The following CDH18 variants were observed in gnomAD, a reference collection of about 807,000 sequenced individuals.
The protein encoded by CDH18 is cadherin-18.
A neutral mutation model predicts 67.9 loss-of-function variants in CDH18; 31 were observed. The observed-to-expected ratio is 0.46, with a 90% confidence interval of 0.34 to 0.62. CDH18 has a LOEUF of 0.62. CDH18 is among the 20% of genes least tolerant of loss of function. CDH18 has a pLI of 0.01. For synonymous variants in CDH18, 362 were observed against 347.2 expected (o/e 1.04, Z -0.48); for missense variants, 890 against 975.5 (o/e 0.91, Z 1.17).
At chr5:19,566,666 G>C (rs1167350801) in intron 8 of CDH18, among the ~76,000 whole-genome samples, 2 of 152,016 alleles carry the variant, frequency 1.3e-5, no homozygotes, top group Admixed American at 6.5e-5. Flanking sequence ...TCTCCCACCA[G>C]GTCCCTATCA....
chr5:19,679,319 C>T (rs1759935292), intron 5 of CDH18, among the ~76,000 whole-genome samples: 1 of 151,754 alleles, frequency 6.6e-6, no homozygotes, highest in African/African-American at 2.4e-5. Context: ...TAATAGAAGC[C>T]ATCTATGAAA....
intron 5 of CDH18, among the ~76,000 whole-genome samples, chr5:19,715,610 T>G (rs1166482331): frequency 6.6e-6 from 1 of 152,168 alleles, no homozygotes; most frequent in East Asian, 1.9e-4. Context: ...ATCATGTTTG[T>G]AAAAGATTTC....
rs1246302312 is a variant in CDH18, at chr5:19,811,144, AAGAAAGAAAGAAAGAAGGAG to A, written c.228+27595_228+27614del. On this transcript the variant is annotated intron_variant, in intron 3 of 12. Transcript: ENST00000382275. The stretch of plus-strand genomic sequence containing the variant: ...AAAGAAAGAAAGAAAGAAAGAAAGA[AAGAAAGAAAGAAAGAAGGAG>A]AGAAAGAAAGAGAAGAAAGAGGGAG... Among the ~76,000 whole-genome samples, 58 of 101,874 alleles carry A rather than the reference AAGAAAGAAAGAAAGAAGGAG, an allele frequency of 5.7e-4. 2 individuals carry two copies. The highest frequency in any genetic ancestry group is 2.1e-3 in the African/African-American group (53 of 24,776). 66.8% of individuals were successfully genotyped at this position (101,874 alleles called of 152,430 possible).
intron 2 of CDH18, among the ~76,000 whole-genome samples, chr5:20,084,215 C>A (rs1399341501): frequency 6.6e-6 from 1 of 152,150 alleles, no homozygotes; most frequent in African/African-American, 2.4e-5. Flanking sequence ...GAGACATTGG[C>A]CAAAACAAAG....
At chr5:20,244,863 AAGAG>A (rs33983339) in intron 2 of CDH18, among the ~76,000 whole-genome samples, 2 of 152,034 alleles carry the variant, frequency 1.3e-5, no homozygotes, top group Non-Finnish European at 2.9e-5. Flanking sequence ...AAATCAAGGA[AAGAG>A]AGAGAAAGAA....
chr5:19,477,247 T>A (rs1214865262), intron 12 of CDH18, among the ~76,000 whole-genome samples: 1 of 151,542 alleles, frequency 6.6e-6, no homozygotes, highest in East Asian at 1.9e-4. Flanking sequence ...AGACATAGGA[T>A]CCCTCTAGTT....
chr5:20,385,581 G>A (rs1434283543), intron 1 of CDH18, among the ~76,000 whole-genome samples: 2 of 152,108 alleles, frequency 1.3e-5, no homozygotes, highest in East Asian at 1.9e-4. Context: ...ATGGGAAAAC[G>A]TTATGGCTCC....
At chr5:20,029,829 G>C (rs1739229641) in intron 2 of CDH18, among the ~76,000 whole-genome samples, 1 of 152,162 alleles carries the variant, frequency 6.6e-6, no homozygotes, top group Non-Finnish European at 1.5e-5. Flanking sequence ...TATATAAGAA[G>C]CAAATGGAGA....
intron 2 of CDH18, among the ~76,000 whole-genome samples, chr5:20,064,071 A>C (rs1742757726): frequency 1.3e-5 from 2 of 152,330 alleles, no homozygotes; most frequent in African/African-American, 4.8e-5. Context: ...CTCCAGAACA[A>C]TTATCTATTA....
At chr5:20,146,102 T>A (rs1282756653) in intron 2 of CDH18, among the ~76,000 whole-genome samples, 1 of 152,116 alleles carries the variant, frequency 6.6e-6, no homozygotes, top group East Asian at 1.9e-4. Flanking sequence ...CCTCCTAGAA[T>A]GGGCCTCTCT....
At chr5:19,573,926 T>C (rs962953499) in intron 7 of CDH18, among the ~76,000 whole-genome samples, 2 of 152,220 alleles carry the variant, frequency 1.3e-5, no homozygotes, top group African/African-American at 4.8e-5. Flanking sequence ...AAGGTTCTTC[T>C]CACTGAATAT....
At chr5:19,542,943 T>A (rs1376343921) in intron 9 of CDH18, among the ~76,000 whole-genome samples, 1 of 152,260 alleles carries the variant, frequency 6.6e-6, no homozygotes. Flanking sequence ...GCTGTTAAAA[T>A]TTTTAATGTT....
intron 2 of CDH18, among the ~76,000 whole-genome samples, chr5:20,130,820 C>A (rs188770927): frequency 2.8e-4 from 42 of 151,944 alleles, no homozygotes; most frequent in African/African-American, 1.0e-3. Context: ...CATACAGAAT[C>A]CCAATCACTT....
At chr5:20,098,389 A>G (rs1438463946) in intron 2 of CDH18, among the ~76,000 whole-genome samples, 1 of 152,086 alleles carries the variant, frequency 6.6e-6, no homozygotes, top group Non-Finnish European at 1.5e-5. Context: ...CACAATCAAA[A>G]TAACAAATCC....
chr5:20,495,055 T>C (rs1031162015), intron 1 of CDH18, among the ~76,000 whole-genome samples: 1 of 152,198 alleles, frequency 6.6e-6, no homozygotes, highest in South Asian at 2.1e-4. Flanking sequence ...CTGTAAATTG[T>C]ACAGGCAAAA....
chr5:20,390,548 T>A (rs10036785), intron 1 of CDH18, among the ~76,000 whole-genome samples: 28,950 of 152,056 alleles, frequency 0.19, 3,045 homozygotes, highest in African/African-American at 0.25. Context: ...TGGGACTGTA[T>A]ACTAGTTCAA....
At chr5:19,764,290 T>C (rs946530956) in intron 3 of CDH18, among the ~76,000 whole-genome samples, 2 of 151,978 alleles carry the variant, frequency 1.3e-5, no homozygotes, top group Admixed American at 6.6e-5. Flanking sequence ...GGGTAAATAC[T>C]TAAGGAAATA....
At chr5:20,148,248 T>C (rs924651996) in intron 2 of CDH18, among the ~76,000 whole-genome samples, 3 of 151,500 alleles carry the variant, frequency 2.0e-5, no homozygotes, top group Non-Finnish European at 4.4e-5. Flanking sequence ...CCCATCACCA[T>C]ACCCGGCTAA....
At chr5:19,758,432 A>C (rs1771909367) in intron 3 of CDH18, among the ~76,000 whole-genome samples, 1 of 152,210 alleles carries the variant, frequency 6.6e-6, no homozygotes, top group Non-Finnish European at 1.5e-5. Context: ...GGCTCCAAAC[A>C]ACATCCCTGT....
Sources: allele counts gnomAD v4.1 joint callset (sites outside exome capture counted in the v4.1 genomes callset), GRCh38; gene constraint gnomAD v4.1.1; transcripts MANE v1.5; gene names NCBI Gene and HGNC (gene_info 2026-07-23, HGNC 2026-07-21).